The following TSPAN9 variants were observed in gnomAD, a reference collection of about 807,000 sequenced individuals.
TSPAN9 encodes the protein tetraspanin-9.
Under a neutral mutation model 31.0 loss-of-function variants are expected in TSPAN9, and 16 were observed. The ratio of observed to expected loss-of-function variants is 0.52; its 90% confidence interval spans 0.35 to 0.78. The LOEUF (loss-of-function observed/expected upper bound fraction) is 0.78, where lower values mean the gene tolerates loss of function less well. Ranked by LOEUF, TSPAN9 falls within the 30% of genes least tolerant of loss-of-function variation. The pLI is 0.01. For missense variants in TSPAN9, 272 were observed against 312.5 expected (o/e 0.87, Z 0.98); for synonymous variants, 145 against 121.6 (o/e 1.19, Z -1.27).
chr12:3,251,534 T>C (rs1253370260), intron 3 of TSPAN9, among the ~76,000 whole-genome samples: 1 of 150,740 alleles, frequency 6.6e-6, no homozygotes, highest in African/African-American at 2.5e-5. Flanking sequence ...AATAGAGATA[T>C]ATGAAAATAG....
intron 1 of TSPAN9, among the ~76,000 whole-genome samples, chr12:3,082,153 T>C (rs1214187453): frequency 2.0e-5 from 3 of 152,106 alleles, no homozygotes; most frequent in Non-Finnish European, 4.4e-5. Flanking sequence ...GAGAGCAGAA[T>C]GTTATGTGGG....
rs116474030 is a variant in TSPAN9, at chr12:3,131,216, G to A, written c.-18+47497G>A. Among the ~76,000 whole-genome samples the A allele has an allele frequency of 4.7e-3, 707 of 151,450 alleles. 4 individuals carry two copies. Among genetic ancestry groups the A allele is most frequent in the African/African-American group, 0.016 (672 of 41,396 alleles). On this transcript the variant is annotated intron_variant, in intron 2 of 8. Coordinates refer to ENST00000011898, the MANE Select transcript of TSPAN9 (RefSeq NM_006675.5). Reference sequence around the variant, plus strand: ...GTCATCTCATTTCATTGTCCCAGCCGGCCTTCGAGGTTGGTGGTGTTAATT... The same window carrying A: ...GTCATCTCATTTCATTGTCCCAGCCAGCCTTCGAGGTTGGTGGTGTTAATT...
At chr12:3,212,578 A>G (rs1226044157) in intron 3 of TSPAN9, among the ~76,000 whole-genome samples, 1 of 152,070 alleles carries the variant, frequency 6.6e-6, no homozygotes, top group East Asian at 1.9e-4. Flanking sequence ...TAGCCTAGAG[A>G]CTTCTGATCT....
chr12:3,241,974 C>T (rs774254638), intron 3 of TSPAN9, among the ~76,000 whole-genome samples: 10 of 152,244 alleles, frequency 6.6e-5, no homozygotes, highest in South Asian at 2.1e-4. Flanking sequence ...AAAGAGAAGT[C>T]CACTAGTTCT....
chr12:3,282,362 C>G (rs1862911833), intron 8 of TSPAN9, among the ~76,000 whole-genome samples: 1 of 152,166 alleles, frequency 6.6e-6, no homozygotes, highest in Non-Finnish European at 1.5e-5. Flanking sequence ...ATGTGTTCCA[C>G]AAGCAGACAA....
At chr12:3,237,452 G>A (rs1004442965) in intron 3 of TSPAN9, among the ~76,000 whole-genome samples, 1 of 152,218 alleles carries the variant, frequency 6.6e-6, no homozygotes, top group African/African-American at 2.4e-5. Flanking sequence ...AGAACAGAGT[G>A]TCCCTCTGGC....
intron 2 of TSPAN9, among the ~76,000 whole-genome samples, chr12:3,160,664 A>T (rs1169808054): frequency 6.6e-6 from 1 of 152,164 alleles, no homozygotes; most frequent in Non-Finnish European, 1.5e-5. Flanking sequence ...GTGAAATGGT[A>T]TCTCATTGTG....
chr12:3,230,677 C>T (rs2098390240), intron 3 of TSPAN9, among the ~76,000 whole-genome samples: 1 of 152,104 alleles, frequency 6.6e-6, no homozygotes, highest in Non-Finnish European at 1.5e-5. Context: ...CCCCACACTG[C>T]TCTGGGAACT....
intron 3 of TSPAN9, among the ~76,000 whole-genome samples, chr12:3,225,557 G>C (rs1199029928): frequency 6.6e-6 from 1 of 152,122 alleles, no homozygotes; most frequent in African/African-American, 2.4e-5. Context: ...AACCAAGCCT[G>C]ATGCCTGTGG....
At chr12:3,214,190 A>G (rs2098380199) in intron 3 of TSPAN9, among the ~76,000 whole-genome samples, 1 of 152,090 alleles carries the variant, frequency 6.6e-6, no homozygotes, top group Admixed American at 6.5e-5. Context: ...CTGTGGTTGT[A>G]TATGTTTCTT....
At chr12:3,218,382 A>G (rs10848828) in intron 3 of TSPAN9, among the ~76,000 whole-genome samples, 61,502 of 152,026 alleles carry the variant, frequency 0.4, 13,447 homozygotes, top group East Asian at 0.76. Flanking sequence ...GCATGTTTAA[A>G]CTAGATTTGA....
intron 3 of TSPAN9, among the ~76,000 whole-genome samples, chr12:3,221,175 T>C (rs1279302807): frequency 6.6e-6 from 1 of 152,072 alleles, no homozygotes; most frequent in African/African-American, 2.4e-5. Context: ...ACACTCTAGG[T>C]TTTGCACCCA....
chr12:3,249,843 G>A (rs113673928), intron 3 of TSPAN9, among the ~76,000 whole-genome samples: 4 of 152,296 alleles, frequency 2.6e-5, no homozygotes, highest in South Asian at 2.1e-4. Flanking sequence ...TCCAAATCCC[G>A]CATGTTTTCC....
chr12:3,093,533 C>T (rs1012747556), intron 2 of TSPAN9, among the ~76,000 whole-genome samples: 3 of 152,168 alleles, frequency 2.0e-5, no homozygotes, highest in African/African-American at 7.2e-5. Context: ...CTCATGCCAC[C>T]TCCAACCAGC....
chr12:3,159,674 A>C (rs57393570), intron 2 of TSPAN9, among the ~76,000 whole-genome samples: 4,330 of 152,226 alleles, frequency 0.028, 214 homozygotes, highest in African/African-American at 0.099. Flanking sequence ...TAAGACCAGC[A>C]TGGGCATCAT....
intron 3 of TSPAN9, among the ~76,000 whole-genome samples, chr12:3,254,968 C>T (rs1862318169): frequency 6.6e-6 from 1 of 152,144 alleles, no homozygotes; most frequent in African/African-American, 2.4e-5. Context: ...TTCCAGGGGA[C>T]AGGGGAGAGG....
chr12:3,130,678 A>T (rs1167913957), intron 2 of TSPAN9, among the ~76,000 whole-genome samples: 2 of 152,124 alleles, frequency 1.3e-5, no homozygotes, highest in African/African-American at 4.8e-5. Context: ...GGGGATAATA[A>T]TAGTACCGGC....
At chr12:3,215,031 C>T (rs1195308984) in intron 3 of TSPAN9, among the ~76,000 whole-genome samples, 1 of 152,078 alleles carries the variant, frequency 6.6e-6, no homozygotes, top group Non-Finnish European at 1.5e-5. Context: ...CCCTGGCCTG[C>T]GCTCCCACCT....
intron 2 of TSPAN9, chr12:3,200,735 G>A (rs1474150132): frequency 6.5e-6 from 1 of 153,044 alleles, no homozygotes; most frequent in Non-Finnish European, 1.5e-5. Flanking sequence ...GCCAGAAGCG[G>A]GGCGCCGTCC....
Sources: allele counts gnomAD v4.1 joint callset (sites outside exome capture counted in the v4.1 genomes callset), GRCh38; gene constraint gnomAD v4.1.1; transcripts MANE v1.5; gene names NCBI Gene and HGNC (gene_info 2026-07-23, HGNC 2026-07-21).